Variants in ZNF704 observed in about 807,000 individuals in gnomAD.
ZNF704 encodes glucocorticoid induced gene 1.
In ZNF704, 10 loss-of-function variants were observed where a neutral mutation model predicts 44.7. The ratio of observed to expected loss-of-function variants is 0.22; its 90% CI spans 0.14 to 0.38. The LOEUF is 0.38. ZNF704 is among the 10% of genes least tolerant of loss of function. ZNF704 has a pLI of 1.00. For synonymous variants in ZNF704, 211 were observed against 207.6 expected, an observed-to-expected ratio of 1.02 and a Z score of -0.14; for missense variants, 390 against 545.5, an observed-to-expected ratio of 0.71 and a Z score of 2.84.
At chr8:80,818,055 G>C (rs1482084000) in intron 2 of ZNF704, among the ~76,000 whole-genome samples, 3 of 152,190 alleles carry the variant, frequency 2.0e-5, no homozygotes, top group African/African-American at 7.2e-5. Flanking sequence ...GAGGTAGAGA[G>C]TAAGGTGGGA....
intron 2 of ZNF704, among the ~76,000 whole-genome samples, chr8:80,717,564 CCTCTTT>C (rs1819090889): frequency 1.3e-5 from 2 of 152,340 alleles, no homozygotes; most frequent in South Asian, 4.1e-4. Flanking sequence ...CCTCCCTCTT[CCTCTTT>C]GCCAATCTGA....
chr8:80,815,465 C>A (rs544260796), intron 2 of ZNF704, among the ~76,000 whole-genome samples: 48 of 152,286 alleles, frequency 3.2e-4, no homozygotes, highest in African/African-American at 1.1e-3. Flanking sequence ...CTGGCAAAAA[C>A]AGAATAACAA....
chr8:80,827,448 C>T (rs1015103901), intron 1 of ZNF704, among the ~76,000 whole-genome samples: 4 of 152,142 alleles, frequency 2.6e-5, no homozygotes, highest in African/African-American at 9.7e-5. Context: ...AAGAATATTC[C>T]ATGCTCATGG....
chr8:80,814,236 G>A (rs1285506663), intron 2 of ZNF704: 2 of 152,182 alleles, frequency 1.3e-5, no homozygotes, highest in Non-Finnish European at 2.9e-5. Flanking sequence ...AGGTAACGGA[G>A]GACATTAAAA....
chr8:80,852,528 T>C (rs968207479), intron 1 of ZNF704, among the ~76,000 whole-genome samples: 2 of 152,228 alleles, frequency 1.3e-5, no homozygotes, highest in African/African-American at 4.8e-5. Flanking sequence ...GTAATTAAAT[T>C]ATAACACAGA....
At chr8:80,725,711 C>T (rs1264632111) in intron 2 of ZNF704, among the ~76,000 whole-genome samples, 1 of 152,150 alleles carries the variant, frequency 6.6e-6, no homozygotes, top group African/African-American at 2.4e-5. Flanking sequence ...ATAGACTGTA[C>T]ATATAAGTTT....
intron 1 of ZNF704, among the ~76,000 whole-genome samples, chr8:80,821,937 T>A (rs1808279694): frequency 6.6e-6 from 1 of 152,114 alleles, no homozygotes; most frequent in East Asian, 1.9e-4. Context: ...CCCCCACAAC[T>A]AAGAAAATTC....
chr8:80,877,219 G>T (rs1809367531), upstream of ZNF704, among the ~76,000 whole-genome samples: 1 of 144,808 alleles, frequency 6.9e-6, no homozygotes, highest in Admixed American at 6.9e-5. Context: ...AAAAAGACCT[G>T]GCCTTGGCTT....
At chr8:80,877,185 G>GAAAAA (rs5892744), upstream of ZNF704, among the ~76,000 whole-genome samples, 6 of 59,678 alleles carry the variant, frequency 1.0e-4, no homozygotes, top group Admixed American at 2.4e-4. Context: ...CTCTGAATGG[G>GAAAAA]AAAAAAAAAA....
intron 2 of ZNF704, among the ~76,000 whole-genome samples, chr8:80,764,163 C>T (rs530477991): frequency 6.6e-6 from 1 of 152,276 alleles, no homozygotes; most frequent in East Asian, 1.9e-4. Flanking sequence ...AGTGGCAGTA[C>T]CCCACTCTCT....
At chr8:80,661,042 T>C (rs1287340493) in intron 6 of ZNF704, among the ~76,000 whole-genome samples, 1 of 152,132 alleles carries the variant, frequency 6.6e-6, no homozygotes, top group Non-Finnish European at 1.5e-5. Flanking sequence ...CACAAACTAT[T>C]CATCTGACAA....
intron 4 of ZNF704, among the ~76,000 whole-genome samples, chr8:80,671,941 C>T (rs1818288384): frequency 6.6e-6 from 1 of 152,128 alleles, no homozygotes; most frequent in East Asian, 1.9e-4. Context: ...TTTTTGTTTG[C>T]CATGAACCCT....
Position 80,676,898 on chromosome 8 carries a change from T to TTA in ZNF704, c.559-6296_559-6295insTA, listed in dbSNP as rs1255975189. Among the ~76,000 whole-genome samples, 5 of 152,272 alleles carry TTA rather than the reference T, an allele frequency of 3.3e-5. No homozygotes were observed. In the South Asian group the frequency reaches 1.0e-3, roughly 32 times the overall value. ...GCAGGAGGCGGAGCACAGGCGGTAA[T>TTA]GCTCGCTTGCCTCCTGCTGTGTGGC... On this transcript the variant is annotated intron_variant, in intron 4 of 8. Coordinates refer to ENST00000327835, the MANE Select transcript of ZNF704 (RefSeq NM_001033723.3).
At position 80,874,305 on chromosome 8, in the gene ZNF704, G is replaced by A. The variant is rs1484129960; in HGVS notation, c.-22+266C>T. On this transcript the variant is annotated intron_variant, in intron 1 of 8. Coordinates refer to ENST00000327835, the MANE Select transcript of ZNF704 (RefSeq NM_001033723.3). This position sits in a 1 kb window ranked among gnomAD's most constrained non-coding sequence, Gnocchi z 4.4. ...CGCGGGCGGGGGTGGGTGTGAGCGA[G>A]CGGCGCGCTGCCGCCTCCGCCGCCG... Among the ~76,000 whole-genome samples the A allele has an allele frequency of 6.9e-6, 1 of 145,012 alleles. No homozygotes were observed. The highest frequency in any genetic ancestry group is 1.5e-5 in the Non-Finnish European group (1 of 65,320).
chr8:80,721,407 A>T (rs1318841444), intron 2 of ZNF704, among the ~76,000 whole-genome samples: 1 of 152,184 alleles, frequency 6.6e-6, no homozygotes, highest in Non-Finnish European at 1.5e-5. Flanking sequence ...GCTGGGTAGG[A>T]GAGAACATAA....
intron 6 of ZNF704, 108 bp downstream of exon 6, chr8:80,664,707 C>A: frequency 7.4e-7 from 1 of 1,354,866 alleles, no homozygotes; most frequent in South Asian, 1.3e-5. Context: ...ACCGGGCTGC[C>A]GTGTGTGATG....
intron 2 of ZNF704, among the ~76,000 whole-genome samples, chr8:80,694,831 A>G (rs11997920): frequency 1.3e-5 from 2 of 152,144 alleles, no homozygotes; most frequent in African/African-American, 4.8e-5. Flanking sequence ...TTCTTCAATA[A>G]TTCTTCTCAA....
At chr8:80,707,608 T>TA (rs1818917471) in intron 2 of ZNF704, among the ~76,000 whole-genome samples, 1 of 152,260 alleles carries the variant, frequency 6.6e-6, no homozygotes, top group Admixed American at 6.5e-5. Flanking sequence ...TTTTTGTCTA[T>TA]AAAAATGGCA....
intron 2 of ZNF704, among the ~76,000 whole-genome samples, chr8:80,743,861 C>T (rs554725311): frequency 1.1e-3 from 166 of 152,290 alleles, no homozygotes; most frequent in Non-Finnish European, 1.8e-3. Context: ...ATGCTTCACA[C>T]AGTGGATGGT....
Sources: gnomAD v4.1 joint callset for allele counts (sites outside exome capture counted in the v4.1 genomes callset) on GRCh38, gnomAD v4.1.1 for gene constraint, Gnocchi (gnomAD v3.1) non-coding constraint, MANE v1.5 for transcripts, NCBI Gene and HGNC (gene_info 2026-07-23, HGNC 2026-07-21) for gene names.